The following EML4 variants were observed in gnomAD, a reference collection of about 807,000 sequenced individuals.
EML4 encodes the protein EMAP like 4.
A neutral mutation model predicts 129.0 loss-of-function variants in EML4; 72 were observed. The observed-to-expected ratio is 0.56, with a 90% CI of 0.46 to 0.68. The LOEUF (loss-of-function observed/expected upper bound fraction) is 0.68, where lower values mean the gene tolerates loss of function less well. Ranked by LOEUF, EML4 falls within the 30% of genes least tolerant of loss-of-function variation. EML4 has a pLI of 0.00. For missense variants in EML4, 1,363 were observed against 1,190.6 expected (o/e 1.14, Z -2.13); for synonymous variants, 532 against 405.0 (o/e 1.31, Z -3.77).
At chr2:42,196,696 A>G (rs1671914927) in intron 1 of EML4, among the ~76,000 whole-genome samples, 1 of 152,184 alleles carries the variant, frequency 6.6e-6, no homozygotes, top group Non-Finnish European at 1.5e-5. Context: ...CAGTAACGTA[A>G]TTTCCTTCTT....
intron 6 of EML4, among the ~76,000 whole-genome samples, chr2:42,276,413 A>G (rs1311017843): frequency 6.6e-6 from 1 of 151,616 alleles, no homozygotes; most frequent in African/African-American, 2.4e-5. Flanking sequence ...GTCATCATGT[A>G]CTCTCCCACT....
intron 1 of EML4, among the ~76,000 whole-genome samples, chr2:42,216,230 C>CCTTTTTTTTTTTTTTTT (rs1673177607): frequency 2.3e-5 from 1 of 43,356 alleles, no homozygotes; most frequent in Non-Finnish European, 3.9e-5. Context: ...CGGCCCACTT[C>CCTTTTTTTTTTTTTTTT]TTTTTTTTTT....
At chr2:42,249,286 A>G (rs890347881) in intron 2 of EML4, among the ~76,000 whole-genome samples, 17 of 66,186 alleles carry the variant, frequency 2.6e-4, no homozygotes, top group Non-Finnish European at 5.3e-4. Flanking sequence ...AGACAGTTTT[A>G]TGTGTGATTT....
intron 17 of EML4, among the ~76,000 whole-genome samples, chr2:42,308,640 C>G (rs1668751553): frequency 6.6e-6 from 1 of 152,110 alleles, no homozygotes; most frequent in Admixed American, 6.5e-5. Context: ...ATATATAATT[C>G]AGTAAGTTCA....
Position 42,261,220 on chromosome 2 carries a change from T to C in EML4, c.438T>C (p.Ser146=). Residue 146 remains serine, a synonymous_variant, in exon 4 of 23, where the codon TCT becomes TCC. Coordinates refer to ENST00000318522, the MANE Select transcript of EML4 (RefSeq NM_019063.5). ...GTCCACAAATTCGAGCATCACCTTC[T>C]CCCCAGCCCTCTTCACAACCTCTCC... is the stretch of plus-strand genomic sequence containing the variant. ...DQSPQIRASP[S]PQPSSQPLQI... 6.2e-7 allele frequency: 1 copy of C among 1,613,974 alleles called. No individual in the cohort carries two copies. The highest frequency in any genetic ancestry group is 8.5e-7 in the Non-Finnish European group (1 of 1,179,956).
intron 13 of EML4, among the ~76,000 whole-genome samples, chr2:42,296,235 G>A (rs1397471488): frequency 2.0e-5 from 3 of 152,080 alleles, no homozygotes; most frequent in Non-Finnish European, 4.4e-5. Flanking sequence ...TGGAGACCTG[G>A]TTCTAAAACC....
intron 1 of EML4, among the ~76,000 whole-genome samples, chr2:42,170,851 A>G (rs1321941763): frequency 6.6e-6 from 1 of 152,268 alleles, no homozygotes; most frequent in South Asian, 2.1e-4. Context: ...AGGCCGTACT[A>G]TATCCAGATA....
At chr2:42,220,293 A>C (rs1175927640) in intron 1 of EML4, among the ~76,000 whole-genome samples, 1 of 149,968 alleles carries the variant, frequency 6.7e-6, no homozygotes, top group East Asian at 2.0e-4. Flanking sequence ...TGCATTGAGC[A>C]AGTGTATTGG....
At chr2:42,234,663 A>G (rs533057723) in intron 1 of EML4, among the ~76,000 whole-genome samples, 32 of 152,352 alleles carry the variant, frequency 2.1e-4, no homozygotes, top group Non-Finnish European at 2.8e-4. Flanking sequence ...TTTATAAACA[A>G]ATATATTCCT....
intron 1 of EML4, among the ~76,000 whole-genome samples, chr2:42,173,776 G>A (rs1273216881): frequency 6.6e-6 from 1 of 152,198 alleles, no homozygotes. Flanking sequence ...CACAGGAGTT[G>A]AAGGTTGCAG....
intron 19 of EML4, among the ~76,000 whole-genome samples, chr2:42,318,135 G>C (rs1272257769): frequency 6.6e-6 from 1 of 152,204 alleles, no homozygotes; most frequent in East Asian, 1.9e-4. Flanking sequence ...TACAACATGT[G>C]TTCCTTTGTC....
In EML4 at chr2:42,301,364, A is replaced by T. The variant is rs766300160; in HGVS notation, c.1613A>T (p.His538Leu). Residue 538 changes from histidine to leucine, a missense_variant, in exon 14 of 23, where the codon CAT becomes CTT. By Grantham distance (99) the His-to-Leu change is moderately conservative (BLOSUM62 -3). Transcript: ENST00000318522. ...GKDRKIILWDHDLNPEREIEV... is the reference protein window; with the variant it reads ...GKDRKIILWDLDLNPEREIEV... ...GACAGAAAAATAATTCTGTGGGATC[A>T]TGATCTGAATCCTGAAAGAGAAATA... 1.1e-5 allele frequency: 18 copies of T among 1,612,892 alleles called. No individual in the cohort carries two copies. The highest frequency in any genetic ancestry group is 9.3e-6 in the Non-Finnish European group (11 of 1,179,458).
chr2:42,226,519 T>G (rs1169080599), intron 1 of EML4, among the ~76,000 whole-genome samples: 1 of 150,608 alleles, frequency 6.6e-6, no homozygotes, highest in African/African-American at 2.4e-5. Flanking sequence ...TAGTTGGGCG[T>G]GATGGTGCAT....
At chr2:42,241,873 T>C (rs887621569) in intron 1 of EML4, among the ~76,000 whole-genome samples, 1 of 131,538 alleles carries the variant, frequency 7.6e-6, no homozygotes, top group African/African-American at 3.3e-5. Flanking sequence ...TGTGTGTGTG[T>C]CGGGGGGGGG....
chr2:42,199,027 C>A (rs774453271), intron 1 of EML4, among the ~76,000 whole-genome samples: 2 of 151,978 alleles, frequency 1.3e-5, no homozygotes, highest in African/African-American at 2.4e-5. Context: ...GGGGTTTAGG[C>A]TGGAGAGGGA....
intron 1 of EML4, among the ~76,000 whole-genome samples, chr2:42,206,403 A>G (rs921734825): frequency 2.0e-5 from 3 of 152,060 alleles, no homozygotes; most frequent in Non-Finnish European, 4.4e-5. Context: ...TGGGGGAGAA[A>G]TGGGATTTCA....
At chr2:42,326,759 G>A (rs1201491394) in intron 21 of EML4, among the ~76,000 whole-genome samples, 1 of 152,110 alleles carries the variant, frequency 6.6e-6, no homozygotes, top group African/African-American at 2.4e-5. Context: ...ACGTGCACCT[G>A]TAATCCCAGT....
At chr2:42,204,852 G>A (rs1672446993) in intron 1 of EML4, among the ~76,000 whole-genome samples, 1 of 152,166 alleles carries the variant, frequency 6.6e-6, no homozygotes, top group Non-Finnish European at 1.5e-5. Flanking sequence ...TAGTTAGGTA[G>A]GTAGAGTTAC....
At position 42,263,279 on chromosome 2, in the gene EML4, T is replaced by C. The variant is rs1336370857; in HGVS notation, c.614T>C (p.Ile205Thr). 6 of 1,611,412 alleles carry C rather than the reference T, an allele frequency of 3.7e-6. No homozygotes were observed. The East Asian group carries it at 8.9e-5, about 24-fold the overall frequency. Residue 205 changes from isoleucine to threonine, a missense_variant, in exon 5 of 23, where the codon ATA becomes ACA. By Grantham distance (89) the Ile-to-Thr change is moderately conservative (BLOSUM62 -1). Coordinates refer to ENST00000318522, the MANE Select transcript of EML4 (RefSeq NM_019063.5). ...AAAATACCTTCAACACCCAAATTAA[T>C]ACCAAAAGTTACCAAAACTGCAGAC... ...LSKIPSTPKLIPKVTKTADKH... is the reference protein window; with the variant it reads ...LSKIPSTPKLTPKVTKTADKH...
Sources: allele counts gnomAD v4.1 joint callset (sites outside exome capture counted in the v4.1 genomes callset), GRCh38; gene constraint gnomAD v4.1.1; transcripts MANE v1.5; gene names NCBI Gene and HGNC (gene_info 2026-07-23, HGNC 2026-07-21).